Variants in PPP2R1A observed in about 807,000 individuals in gnomAD.
PPP2R1A encodes protein phosphatase 2 scaffold subunit Aalpha.
PPP2R1A carries 15 observed loss-of-function variants against 67.1 expected under a neutral mutation model. That is an observed-to-expected ratio of 0.22 (90% CI 0.15 to 0.34). The LOEUF is 0.34. PPP2R1A is among the 10% of genes least tolerant of loss of function. The pLI is 1.00. For missense variants in PPP2R1A, 369 were observed against 775.0 expected (o/e 0.48, Z 6.22); for synonymous variants, 337 against 325.0 (o/e 1.04, Z -0.40).
intron 1 of PPP2R1A, among the ~76,000 whole-genome samples, chr19:52,196,916 A>C (rs1340975914): frequency 2.0e-5 from 3 of 152,228 alleles, no homozygotes; most frequent in African/African-American, 7.2e-5. Context: ...AAGTTGCACA[A>C]AACATTTCCA....
rs1979385101 is a variant in PPP2R1A, at chr19:52,228,375, A to C, written c.*2394A>C. 6.6e-6 allele frequency: 1 copy of C among 152,242 alleles called. No individual in the cohort carries two copies. The allele number at this position is 152,242 out of a possible 1,614,324, so 9.4% of individuals were successfully genotyped here. A position where few individuals can be genotyped will look rare whatever the true frequency, so the allele number is the denominator to read the frequency against. On this transcript the variant is annotated 3_prime_UTR_variant, in exon 15 of 15. Coordinates refer to ENST00000322088, the MANE Select transcript of PPP2R1A (RefSeq NM_014225.6). ...CCTGGTGTCTTGGGTCATGTGCTCT[A>C]GAAGCAGAGCCCGAGTGGAGACTCG...
chr19:52,211,685 C>T lies in PPP2R1A; in HGVS notation c.503+193C>T, dbSNP rs139072023. On this transcript the variant is annotated intron_variant, in intron 4 of 14. Coordinates refer to ENST00000322088, the MANE Select transcript of PPP2R1A (RefSeq NM_014225.6). The surrounding 1 kb of genome is among the most constrained non-coding windows in gnomAD (Gnocchi z 5.3). ...ACACGGCCACGTGTCAGTTTACCCA[C>T]CTCTGCCCCCTTGCTCACTTAGGAA... 244 of 606,738 alleles carry T rather than the reference C, an allele frequency of 4.0e-4. 2 individuals are homozygous for T. In the African/African-American group the frequency reaches 4.2e-3, roughly 11 times the overall value. 37.6% of individuals were successfully genotyped at this position (606,738 alleles called of 1,614,324 possible).
rs369089157 is a variant in PPP2R1A at position 52,211,540 on chromosome 19, A to G, written c.503+48A>G. ...GCTCCAAGCTCCCATCTCAGCTCCA[A>G]CCTTCTCTAAAGCCTCAGACTCCTT... On this transcript the variant is annotated intron_variant, in intron 4 of 14. Transcript: ENST00000322088. The surrounding 1 kb of genome is among the most constrained non-coding windows in gnomAD (Gnocchi z 5.3). The G allele has an allele frequency of 9.7e-5, 151 of 1,552,158 alleles. No individual in the cohort carries two copies. The highest frequency in any genetic ancestry group is 9.4e-4 in the African/African-American group (69 of 73,432).
Position 52,213,634 on chromosome 19 carries a change from C to T in PPP2R1A, c.807+524C>T, listed in dbSNP as rs1978384808. Among the ~76,000 whole-genome samples the T allele has an allele frequency of 6.6e-6, 1 of 151,704 alleles. No individual in the cohort carries two copies. Among genetic ancestry groups the T allele is most frequent in the South Asian group, 2.1e-4 (1 of 4,798 alleles). ...AGGGACTGGGATTACAGATGCCCAC[C>T]ACGACACCCGGCTAGTTTTTGTATT... On this transcript the variant is annotated intron_variant, in intron 6 of 14. Coordinates refer to ENST00000322088, the MANE Select transcript of PPP2R1A (RefSeq NM_014225.6). The surrounding 1 kb of genome is among the most constrained non-coding windows in gnomAD (Gnocchi z 4.2).
At chr19:52,199,208 C>T (rs554216167) in intron 1 of PPP2R1A, among the ~76,000 whole-genome samples, 1 of 151,078 alleles carries the variant, frequency 6.6e-6, no homozygotes, top group East Asian at 2.0e-4. Context: ...ACTCTGTCAC[C>T]CAGGCTGGAG....
At position 52,216,143 on chromosome 19, in the gene PPP2R1A, G is replaced by A; in HGVS notation, c.993+69G>A. The A allele has an allele frequency of 6.5e-7, 1 of 1,529,570 alleles. No homozygotes were observed. The highest frequency in any genetic ancestry group is 9.0e-7 in the Non-Finnish European group (1 of 1,105,714). 94.7% of individuals were successfully genotyped at this position (1,529,570 alleles called of 1,614,324 possible). The stretch of plus-strand genomic sequence containing the variant: ...GCCAAAAAGAGGGGCTGGAGACAAG[G>A]CTTTGGGGATAGTCAGCTGCAAACT... On this transcript the variant is annotated intron_variant, in intron 8 of 14. Transcript: ENST00000322088. The surrounding 1 kb of genome is among the most constrained non-coding windows in gnomAD (Gnocchi z 4.3).
intron 2 of PPP2R1A, among the ~76,000 whole-genome samples, chr19:52,204,735 T>C (rs2089585223): frequency 6.6e-6 from 1 of 152,166 alleles, no homozygotes; most frequent in African/African-American, 2.4e-5. Flanking sequence ...CTAAGAACAG[T>C]GTAGCTGGAG....
Position 52,216,807 on chromosome 19 carries a change from C to T in PPP2R1A, c.1128+144C>T. On this transcript the variant is annotated intron_variant, in intron 9 of 14. Coordinates refer to ENST00000322088, the MANE Select transcript of PPP2R1A (RefSeq NM_014225.6). This position sits in a 1 kb window ranked among gnomAD's most constrained non-coding sequence, Gnocchi z 4.3. ...CTTTGCTGAGTTGCATGTTTGTGGG[C>T]ATAGCTGTGTGTTCATGCGTTCATT... 7.7e-7 allele frequency: 1 copy of T among 1,298,398 alleles called. No homozygotes were observed. The allele number at this position is 1,298,398 out of a possible 1,614,324, so 80.4% of individuals were successfully genotyped here. A position where few individuals can be genotyped will look rare whatever the true frequency, so the allele number is the denominator to read the frequency against.
intron 12 of PPP2R1A, 87 bp from the exon 13 acceptor site, chr19:52,222,012 C>T: frequency 2.2e-6 from 3 of 1,375,856 alleles, no homozygotes; most frequent in Non-Finnish European, 3.0e-6. Flanking sequence ...GCCTGATGAT[C>T]ACCAGAGTGG....
At position 52,211,781 on chromosome 19, in the gene PPP2R1A, G is replaced by T. The variant is rs111426866; in HGVS notation, c.503+289G>T. ...TTAAAAGAATTATCACACATAAAGT[G>T]CTTAGAGCAAAATCTGGAACATAAA... On this transcript the variant is annotated intron_variant, in intron 4 of 14. Coordinates refer to ENST00000322088, the MANE Select transcript of PPP2R1A (RefSeq NM_014225.6). This position sits in a 1 kb window ranked among gnomAD's most constrained non-coding sequence, Gnocchi z 5.3. 1,304 of 439,680 alleles carry T rather than the reference G, an allele frequency of 3.0e-3. 16 individuals are homozygous for T. The highest frequency in any genetic ancestry group is 0.024 in the African/African-American group (1,177 of 49,834). The allele number at this position is 439,680 out of a possible 1,614,324, so 27.2% of individuals were successfully genotyped here.
intron 2 of PPP2R1A, 47 bp downstream of exon 2, chr19:52,202,081 G>A: frequency 1.3e-6 from 2 of 1,523,484 alleles, no homozygotes; most frequent in Non-Finnish European, 1.8e-6. Flanking sequence ...CTCTTGGGAG[G>A]TGGTTTTCAC....
At position 52,229,008 on chromosome 19, in the gene PPP2R1A, G is replaced by C. The variant is rs913700353; in HGVS notation, c.*3027G>C. Reference sequence around the variant, plus strand: ...AGAGGAGAATTACCATGGCTCCCCCGGGCAGATGAAGATGACGAGGTGGTG... The same window carrying C: ...AGAGGAGAATTACCATGGCTCCCCCCGGCAGATGAAGATGACGAGGTGGTG... On this transcript the variant is annotated 3_prime_UTR_variant, in exon 15 of 15. Coordinates refer to ENST00000322088, the MANE Select transcript of PPP2R1A (RefSeq NM_014225.6). 1 of 152,206 alleles carries C rather than the reference G, an allele frequency of 6.6e-6. No homozygotes were observed. The highest frequency in any genetic ancestry group is 2.4e-5 in the African/African-American group (1 of 41,414). The allele number at this position is 152,206 out of a possible 1,614,324, so 9.4% of individuals were successfully genotyped here.
Position 52,211,454 on chromosome 19 carries a change from C to T in PPP2R1A, c.465C>T (p.Tyr155=), listed in dbSNP as rs1366880868. The T allele has an allele frequency of 1.9e-6, 3 of 1,613,820 alleles. No homozygotes were observed. The highest frequency in any genetic ancestry group is 1.3e-5 in the African/African-American group (1 of 75,082). Residue 155 remains tyrosine (Y), a synonymous_variant, in exon 4 of 15, where the codon TAC becomes TAT. Transcript: ENST00000322088. This position sits in a 1 kb window ranked among gnomAD's most constrained non-coding sequence, Gnocchi z 5.3. ...TSACGLFSVC[Y]PRVSSAVKAE... is the part of the protein sequence containing the mutation. Reference sequence around the variant, plus strand: ...CCTGCGGCCTCTTCTCCGTCTGCTACCCCCGAGTGTCCAGTGCTGTGAAGG... The same window carrying T: ...CCTGCGGCCTCTTCTCCGTCTGCTATCCCCGAGTGTCCAGTGCTGTGAAGG...
At position 52,222,191 on chromosome 19, in the gene PPP2R1A, C is replaced by T. The variant is rs1978980122; in HGVS notation, c.1611C>T (p.Arg537=). ...RMAGDPVANV[R]FNVAKSLQKI... ...CTGGGGACCCGGTTGCCAATGTCCG[C>T]TTCAATGTGGCCAAGTCTCTGCAGA... Residue 537 remains arginine, a synonymous_variant, in exon 13 of 15, where the codon CGC becomes CGT. Transcript: ENST00000322088. 2 of 1,614,180 alleles carry T rather than the reference C, an allele frequency of 1.2e-6. No homozygotes were observed. Among genetic ancestry groups the T allele is most frequent in the Middle Eastern group, 1.7e-4 (1 of 6,060 alleles).
chr19:52,221,071 G>A lies in PPP2R1A; in HGVS notation c.1456G>A (p.Val486Ile). ...GGCCCATGCCACAATCATCCCCAAG[G>A]TCTTGGCCATGTCCGGAGACCCCAA... ...EWAHATIIPK[V>I]LAMSGDPNYL... Residue 486 changes from valine to isoleucine, a missense_variant, in exon 12 of 15, where the codon GTC becomes ATC. Coordinates refer to ENST00000322088, the MANE Select transcript of PPP2R1A (RefSeq NM_014225.6). 6.2e-7 allele frequency: 1 copy of A among 1,614,234 alleles called. No homozygotes were observed. The highest frequency in any genetic ancestry group is 1.3e-5 in the African/African-American group (1 of 75,060).
At chr19:52,214,995 G>A (rs1194737600) in intron 6 of PPP2R1A, among the ~76,000 whole-genome samples, 1 of 152,108 alleles carries the variant, frequency 6.6e-6, no homozygotes, top group Non-Finnish European at 1.5e-5. Context: ...CAAAGCGCTG[G>A]GATTACAGGT....
chr19:52,212,974 C>T lies in PPP2R1A; in HGVS notation c.671C>T (p.Ala224Val), dbSNP rs2089686293. The T allele has an allele frequency of 2.5e-6, 4 of 1,602,462 alleles. No homozygotes were observed. Among genetic ancestry groups the T allele is most frequent in the Non-Finnish European group, 3.4e-6 (4 of 1,174,650 alleles). Residue 224 changes from alanine to valine, a missense_variant, in exon 6 of 15, where the codon GCG becomes GTG. By Grantham distance (64) the Ala-to-Val change is moderately conservative. Around this residue, in one of 2 missense-constraint regions of PPP2R1A, gnomAD observed 276 missense variants for 508.4 expected, o/e 0.54. Coordinates refer to ENST00000322088, the MANE Select transcript of PPP2R1A (RefSeq NM_014225.6). The surrounding 1 kb of genome is among the most constrained non-coding windows in gnomAD (Gnocchi z 4.1). The stretch of plus-strand genomic sequence containing the variant: ...CCCTAGGACTCGGTGCGGCTGCTGG[C>T]GGTGGAGGCGTGCGTGAACATCGCC... ...SDEQDSVRLL[A>V]VEACVNIAQL...
chr19:52,220,937 C>A, intron 11 of PPP2R1A, 42 bp from the exon 12 acceptor site: 1 of 1,608,132 alleles, frequency 6.2e-7, no homozygotes, highest in Non-Finnish European at 8.5e-7. Flanking sequence ...ATCAGTTCTT[C>A]ACCTCCAAAT....
intron 1 of PPP2R1A, among the ~76,000 whole-genome samples, chr19:52,192,595 T>A (rs755591534): frequency 1.1e-4 from 16 of 152,266 alleles, no homozygotes; most frequent in Non-Finnish European, 2.1e-4. Context: ...ATTACAGGCG[T>A]GAGCCACTAT....
Sources: gnomAD v4.1 joint callset for allele counts (sites outside exome capture counted in the v4.1 genomes callset) on GRCh38, gnomAD v4.1.1 for gene constraint, gnomAD v4.1.1 regional missense constraint, Gnocchi (gnomAD v3.1) non-coding constraint, MANE v1.5 for transcripts, NCBI Gene and HGNC (gene_info 2026-07-23, HGNC 2026-07-21) for gene names.